Variants in PTPRM observed in about 807,000 individuals in gnomAD.
The protein encoded by PTPRM is protein tyrosine phosphatase receptor type M.
PTPRM carries 47 observed loss-of-function variants against 186.7 expected under a neutral mutation model. The observed-to-expected ratio is 0.25, with a 90% CI of 0.20 to 0.32. The LOEUF (loss-of-function observed/expected upper bound fraction) is 0.32, where lower values mean the gene tolerates loss of function less well. Among genes scored for constraint, PTPRM ranks in the 10% least tolerant of loss-of-function variants. The pLI, the probability that PTPRM is intolerant of heterozygous loss-of-function variation, is 1.00. For synonymous variants in PTPRM, 668 were observed against 674.9 expected, an observed-to-expected ratio of 0.99 and a Z score of 0.16; for missense variants, 1,494 against 1,865.0, an observed-to-expected ratio of 0.80 and a Z score of 3.66.
chr18:8,283,630 A>C (rs1228910186), intron 19 of PTPRM, among the ~76,000 whole-genome samples: 2 of 152,128 alleles, frequency 1.3e-5, no homozygotes, highest in East Asian at 1.9e-4. Context: ...TTATTTATTT[A>C]TGTTTTTTGA....
chr18:7,826,911 T>C (rs2045513164), intron 2 of PTPRM, among the ~76,000 whole-genome samples: 1 of 151,952 alleles, frequency 6.6e-6, no homozygotes. Context: ...CTGGACAACA[T>C]GGTTATATCC....
chr18:8,250,170 C>T (rs1291571089), intron 17 of PTPRM, among the ~76,000 whole-genome samples: 1 of 151,928 alleles, frequency 6.6e-6, no homozygotes, highest in Non-Finnish European at 1.5e-5. Context: ...GATGCCCAGC[C>T]CTAATGTATA....
chr18:7,749,681 G>A (rs921342549), intron 1 of PTPRM, among the ~76,000 whole-genome samples: 4 of 152,160 alleles, frequency 2.6e-5, no homozygotes, highest in Non-Finnish European at 5.9e-5. Flanking sequence ...CAGGTCACAG[G>A]CATAAAGATG....
chr18:8,389,663 T>A (rs915434756), intron 31 of PTPRM, among the ~76,000 whole-genome samples: 1 of 152,214 alleles, frequency 6.6e-6, no homozygotes, highest in Non-Finnish European at 1.5e-5. Flanking sequence ...CTGGTGAGAA[T>A]GTTTATTTTT....
At chr18:7,926,731 T>C (rs1191964942) in intron 5 of PTPRM, 48 bp downstream of exon 5, 1 of 1,422,078 alleles carries the variant, frequency 7.0e-7, no homozygotes, top group Admixed American at 2.0e-5. Flanking sequence ...GCGGGAAGAA[T>C]ACACTCCCCC....
intron 20 of PTPRM, among the ~76,000 whole-genome samples, chr18:8,311,179 T>C (rs2095265480): frequency 6.6e-6 from 1 of 151,900 alleles, no homozygotes; most frequent in African/African-American, 2.4e-5. Context: ...CGTGGAGGTG[T>C]GTGCCTGTAA....
chr18:7,628,230 C>A (rs1431468655), intron 1 of PTPRM, among the ~76,000 whole-genome samples: 2 of 152,078 alleles, frequency 1.3e-5, no homozygotes, highest in Non-Finnish European at 2.9e-5. Context: ...TTCTGTATAC[C>A]AGACTGAATT....
At chr18:8,344,718 G>T (rs1221833728) in intron 23 of PTPRM, among the ~76,000 whole-genome samples, 2 of 151,772 alleles carry the variant, frequency 1.3e-5, no homozygotes. Context: ...TGGGCAGGGG[G>T]TTCTGTGTGA....
At chr18:8,096,541 G>A (rs1436947532) in intron 11 of PTPRM, among the ~76,000 whole-genome samples, 1 of 152,144 alleles carries the variant, frequency 6.6e-6, no homozygotes, top group Non-Finnish European at 1.5e-5. Flanking sequence ...CCCTCATCTA[G>A]ATAGACCGTC....
intron 13 of PTPRM, among the ~76,000 whole-genome samples, chr18:8,130,629 G>A (rs573370697): frequency 1.3e-5 from 2 of 152,226 alleles, no homozygotes; most frequent in South Asian, 4.2e-4. Flanking sequence ...ACAGATGATA[G>A]GAAAGTGTAC....
chr18:8,182,687 C>T (rs1270190814), intron 14 of PTPRM, among the ~76,000 whole-genome samples: 1 of 152,220 alleles, frequency 6.6e-6, no homozygotes, highest in South Asian at 2.1e-4. Flanking sequence ...CTCAAAAATA[C>T]ATACTGCAGC....
chr18:7,601,987 A>G (rs908165517), intron 1 of PTPRM, among the ~76,000 whole-genome samples: 13 of 152,350 alleles, frequency 8.5e-5, no homozygotes, highest in African/African-American at 3.1e-4. Context: ...AGGCACTGTC[A>G]CACACAAATG....
chr18:7,806,264 G>A (rs1165183511), intron 2 of PTPRM, among the ~76,000 whole-genome samples: 4 of 152,180 alleles, frequency 2.6e-5, no homozygotes, highest in Non-Finnish European at 5.9e-5. Context: ...GACCTCATCA[G>A]GGATGTCTCC....
At chr18:8,195,175 T>TA (rs397858900) in intron 14 of PTPRM, among the ~76,000 whole-genome samples, 20 of 130,296 alleles carry the variant, frequency 1.5e-4, no homozygotes, top group African/African-American at 4.8e-4. Flanking sequence ...TTTTTTTTTT[T>TA]AAATAATGTT....
chr18:7,775,588 G>A (rs1016602317), intron 2 of PTPRM, among the ~76,000 whole-genome samples: 2 of 152,166 alleles, frequency 1.3e-5, no homozygotes, highest in African/African-American at 4.8e-5. Flanking sequence ...GAGAGGCTGG[G>A]CTAGCTGAGG....
At chr18:7,896,970 G>A (rs2049394660) in intron 3 of PTPRM, among the ~76,000 whole-genome samples, 1 of 152,164 alleles carries the variant, frequency 6.6e-6, no homozygotes, top group Admixed American at 6.5e-5. Flanking sequence ...TTACTACAAA[G>A]CCATGTAAAG....
rs1472898017 is a variant in PTPRM at position 7,568,299 on chromosome 18, C to T, written c.73+408C>T. ...CCTGGCGTAGGCGCTGCGCGGTCCCCGCCGACCCCGAGCAGCGGCCGGGCC... is the reference window on the plus strand; with the variant it reads ...CCTGGCGTAGGCGCTGCGCGGTCCCTGCCGACCCCGAGCAGCGGCCGGGCC... On this transcript the variant is annotated intron_variant, in intron 1 of 32. Transcript: ENST00000580170. The surrounding 1 kb of genome is among the most constrained non-coding windows in gnomAD (Gnocchi z 5.1). Among the ~76,000 whole-genome samples, 1 of 151,784 alleles carries T rather than the reference C, an allele frequency of 6.6e-6. No homozygotes were observed. The highest frequency in any genetic ancestry group is 2.4e-5 in the African/African-American group (1 of 41,384).
intron 1 of PTPRM, among the ~76,000 whole-genome samples, chr18:7,597,592 T>C (rs2037298034): frequency 6.6e-6 from 1 of 152,148 alleles, no homozygotes; most frequent in Admixed American, 6.5e-5. Flanking sequence ...AAAAAGTCAC[T>C]TTTTGCTAAT....
intron 1 of PTPRM, among the ~76,000 whole-genome samples, chr18:7,735,470 C>G (rs7244628): frequency 0.049 from 7,437 of 152,102 alleles, 453 homozygotes; most frequent in African/African-American, 0.13. Context: ...GATCTTAAGA[C>G]TGATAGAACA....
Sources: allele counts gnomAD v4.1 joint callset (sites outside exome capture counted in the v4.1 genomes callset), GRCh38; gene constraint gnomAD v4.1.1; non-coding constraint Gnocchi (gnomAD v3.1); transcripts MANE v1.5; gene names NCBI Gene and HGNC (gene_info 2026-07-23, HGNC 2026-07-21).